EXOC2: variants seen among roughly 807,000 people sequenced by gnomAD.
EXOC2 encodes the protein SEC5-like 1.
Under a neutral mutation model 131.8 loss-of-function variants are expected in EXOC2, and 70 were observed. That is an observed-to-expected ratio of 0.53 (90% CI 0.44 to 0.65). The LOEUF is 0.65. EXOC2 is among the 30% of genes least tolerant of loss of function. The pLI, the probability that EXOC2 is intolerant of heterozygous loss-of-function variation, is 0.00. For missense variants in EXOC2, 923 were observed against 1,108.6 expected (o/e 0.83, Z 2.38); for synonymous variants, 411 against 398.4 (o/e 1.03, Z -0.38).
chr6:487,369 C>T (rs186856996), intron 27 of EXOC2, among the ~76,000 whole-genome samples: 19 of 152,280 alleles, frequency 1.2e-4, no homozygotes, highest in African/African-American at 3.4e-4. Context: ...TGCCTGATAT[C>T]GCAATCTGTT....
rs571695000 is a variant in EXOC2, at chr6:575,760, C to T, written c.1318+997G>A. Among the ~76,000 whole-genome samples the T allele has an allele frequency of 6.4e-4, 98 of 152,326 alleles. 1 individual carries two copies. Among genetic ancestry groups the T allele is most frequent in the African/African-American group, 2.1e-3 (89 of 41,576 alleles). On this transcript the variant is annotated intron_variant, in intron 12 of 27. Transcript: ENST00000230449. ...CAGCAAATGGATTCTTACATGGTAT[C>T]TTTCCCAAGAATAATGTTTCAAAAG...
In EXOC2 at chr6:562,851, TGAG is replaced by T; in HGVS notation, c.1790-9_1790-7del. 6.3e-7 allele frequency: 1 copy of T among 1,577,232 alleles called. No homozygotes were observed. The highest frequency in any genetic ancestry group is 8.6e-7 in the Non-Finnish European group (1 of 1,161,888). ...TTCAGCTAATCTCTTTATTTCTATA[TGAG>T]AAGAAGCACACAAATACTTTATTAT... On this transcript the variant is annotated splice_polypyrimidine_tract_variant and splice_region_variant and intron_variant, in intron 16 of 27. Coordinates refer to ENST00000230449, the MANE Select transcript of EXOC2 (RefSeq NM_018303.6).
intron 22 of EXOC2, among the ~76,000 whole-genome samples, chr6:532,918 G>A (rs1217570896): frequency 6.6e-6 from 1 of 152,134 alleles, no homozygotes; most frequent in Non-Finnish European, 1.5e-5. Flanking sequence ...ATTATGTTAT[G>A]CATGGCTGGG....
chr6:681,847 C>A (rs1764417950), intron 1 of EXOC2, among the ~76,000 whole-genome samples: 1 of 152,210 alleles, frequency 6.6e-6, no homozygotes, highest in African/African-American at 2.4e-5. Flanking sequence ...TCTGCCCTTG[C>A]AAGAGAATCA....
At chr6:628,642 T>C (rs539321141) in intron 4 of EXOC2, among the ~76,000 whole-genome samples, 7 of 152,330 alleles carry the variant, frequency 4.6e-5, no homozygotes, top group African/African-American at 1.7e-4. Flanking sequence ...TAAAACTGGC[T>C]CTTGGTTATG....
At chr6:619,895 T>C (rs1761199884) in intron 4 of EXOC2, among the ~76,000 whole-genome samples, 1 of 152,228 alleles carries the variant, frequency 6.6e-6, no homozygotes, top group South Asian at 2.1e-4. Flanking sequence ...CCATTCAATG[T>C]ATAAAAATCA....
chr6:588,102 A>AT (rs1759319224), intron 11 of EXOC2, among the ~76,000 whole-genome samples: 1 of 152,046 alleles, frequency 6.6e-6, no homozygotes, highest in East Asian at 1.9e-4. Flanking sequence ...TATAAGTGGG[A>AT]TTTTCCAAAA....
At chr6:644,847 A>T (rs1053016825) in intron 1 of EXOC2, among the ~76,000 whole-genome samples, 2 of 152,192 alleles carry the variant, frequency 1.3e-5, no homozygotes, top group East Asian at 3.8e-4. Flanking sequence ...AAAGACCTAA[A>T]TAAGTGAAGA....
intron 23 of EXOC2, among the ~76,000 whole-genome samples, chr6:517,958 G>A (rs369641077): frequency 3.2e-4 from 49 of 152,314 alleles, no homozygotes; most frequent in Middle Eastern, 3.4e-3. Context: ...CCACTTCACT[G>A]AGCACCAAAA....
At chr6:488,876 G>T in intron 27 of EXOC2, 103 bp downstream of exon 27, 1 of 1,211,368 alleles carries the variant, frequency 8.3e-7, no homozygotes, top group Non-Finnish European at 1.2e-6. Context: ...TTTGGATTCT[G>T]CTCTTCCTAG....
At chr6:656,451 A>G in intron 1 of EXOC2, 1 of 1,613,074 alleles carries the variant, frequency 6.2e-7, no homozygotes, top group South Asian at 1.1e-5. Flanking sequence ...GATGCTCCTC[A>G]GCGTCCTCCA....
At chr6:623,294 G>A (rs774255453) in intron 4 of EXOC2, among the ~76,000 whole-genome samples, 19 of 152,192 alleles carry the variant, frequency 1.2e-4, no homozygotes, top group Non-Finnish European at 2.2e-4. Flanking sequence ...ACCCGGATGC[G>A]TCGTTCCTTC....
rs572288034 is a variant in EXOC2, at chr6:526,199, C to T, written c.2380+6270G>A. On this transcript the variant is annotated intron_variant, in intron 23 of 27. Coordinates refer to ENST00000230449, the MANE Select transcript of EXOC2 (RefSeq NM_018303.6). The stretch of plus-strand genomic sequence containing the variant: ...CCAATTTACACTCCTAGAAAGATGA[C>T]GGAATAGTTTTTTTCTCTGTACCTT... 7.9e-5 allele frequency among the ~76,000 whole-genome samples: 12 copies of T among 152,162 alleles called. No homozygotes were observed. In the South Asian group the frequency reaches 1.2e-3, roughly 16 times the overall value.
At chr6:613,443 A>G (rs1005371397) in intron 6 of EXOC2, among the ~76,000 whole-genome samples, 11 of 151,652 alleles carry the variant, frequency 7.3e-5, no homozygotes, top group African/African-American at 1.5e-4. Context: ...TGATGTAAAA[A>G]AAAGAAAGAA....
chr6:658,062 T>C (rs375578673), intron 1 of EXOC2, among the ~76,000 whole-genome samples: 2 of 152,190 alleles, frequency 1.3e-5, no homozygotes, highest in African/African-American at 2.4e-5. Context: ...TTTAATGTTA[T>C]CTGTTTTTAT....
At chr6:542,776 T>G (rs3799297) in intron 22 of EXOC2, among the ~76,000 whole-genome samples, 1 of 152,132 alleles carries the variant, frequency 6.6e-6, no homozygotes, top group Non-Finnish European at 1.5e-5. Flanking sequence ...AGAGAAAGTA[T>G]ATGAAATGTT....
intron 4 of EXOC2, among the ~76,000 whole-genome samples, chr6:620,040 A>G (rs1008078525): frequency 2.6e-5 from 4 of 152,262 alleles, no homozygotes; most frequent in Admixed American, 6.5e-5. Context: ...CTAATCACAA[A>G]GCACTCACAT....
chr6:649,406 T>C (rs1311377430), intron 1 of EXOC2, among the ~76,000 whole-genome samples: 1 of 152,140 alleles, frequency 6.6e-6, no homozygotes, highest in South Asian at 2.1e-4. Flanking sequence ...TTCACATATA[T>C]ACACAGGTAT....
In EXOC2 at chr6:552,415, G is replaced by A. The variant is rs561845531; in HGVS notation, c.2121+1439C>T. ...GATGGCCCGCCACCACTCTTGGGGC[G>A]ACTCCACCTGCAATTCTGGGTGAAC... On this transcript the variant is annotated intron_variant, in intron 21 of 27. Coordinates refer to ENST00000230449, the MANE Select transcript of EXOC2 (RefSeq NM_018303.6). Among the ~76,000 whole-genome samples, 13 of 152,294 alleles carry A rather than the reference G, an allele frequency of 8.5e-5. No homozygotes were observed. The South Asian group carries it at 1.0e-3, about 12-fold the overall frequency.
Sources: gnomAD v4.1 joint callset for allele counts (sites outside exome capture counted in the v4.1 genomes callset) on GRCh38, gnomAD v4.1.1 for gene constraint, MANE v1.5 for transcripts, NCBI Gene and HGNC (gene_info 2026-07-23, HGNC 2026-07-21) for gene names.